BLTP3A: variants seen among roughly 807,000 people sequenced by gnomAD.
BLTP3A encodes the protein bridge-like lipid transfer protein family member 3A.
At chr6:34,861,049 G>A in the BLTP3A span, among the ~76,000 whole-genome samples, 6 of 152,116 alleles carry the variant, frequency 3.9e-5, no homozygotes, top group African/African-American at 1.4e-4. Context: ...TTTTTCCTTG[G>A]CTGCTCTCTT....
the BLTP3A span, among the ~76,000 whole-genome samples, chr6:34,804,452 A>C: frequency 6.6e-6 from 1 of 152,146 alleles, no homozygotes; most frequent in Non-Finnish European, 1.5e-5. Context: ...CCAGTAATGC[A>C]TTAAGAAGTA....
the BLTP3A span, chr6:34,821,862 C>G: frequency 6.2e-7 from 1 of 1,614,124 alleles, no homozygotes; most frequent in East Asian, 2.2e-5. Flanking sequence ...GCCAGTAGGC[C>G]TGCTTTCTGG....
At chr6:34,868,856 A>T in the BLTP3A span, among the ~76,000 whole-genome samples, 1 of 151,854 alleles carries the variant, frequency 6.6e-6, no homozygotes, top group Non-Finnish European at 1.5e-5. Context: ...GCACCACTGC[A>T]CTCCAGCCTG....
the BLTP3A span, chr6:34,821,597 T>A: frequency 6.7e-7 from 1 of 1,499,904 alleles, no homozygotes; most frequent in Non-Finnish European, 9.0e-7. Context: ...TTGGCTGTAA[T>A]ACCCAATTAG....
At chr6:34,856,892 G>GC in the BLTP3A span, 1 of 1,614,156 alleles carries the variant, frequency 6.2e-7, no homozygotes, top group Non-Finnish European at 8.5e-7. Flanking sequence ...CGCTCTAGCT[G>GC]CATGGTGGTA....
At chr6:34,862,106 C>T in the BLTP3A span, among the ~76,000 whole-genome samples, 4 of 152,072 alleles carry the variant, frequency 2.6e-5, no homozygotes, top group South Asian at 4.1e-4. Context: ...TGGCTGGGTG[C>T]GGTGGCTCAC....
the BLTP3A span, among the ~76,000 whole-genome samples, chr6:34,825,714 G>C: frequency 6.6e-6 from 1 of 152,190 alleles, no homozygotes; most frequent in Non-Finnish European, 1.5e-5. Context: ...TGGGCTATTA[G>C]GTTTCAACAT....
At chr6:34,810,923 G>A in the BLTP3A span, among the ~76,000 whole-genome samples, 1 of 152,256 alleles carries the variant, frequency 6.6e-6, no homozygotes, top group Middle Eastern at 3.4e-3. Context: ...GTAAATGATA[G>A]ACTAGTATCT....
chr6:34,801,311 G>C, the BLTP3A span, among the ~76,000 whole-genome samples: 1 of 152,116 alleles, frequency 6.6e-6, no homozygotes, highest in Non-Finnish European at 1.5e-5. Flanking sequence ...ACGTAATGTT[G>C]AATAGTTCCC....
chr6:34,837,344 C>T, the BLTP3A span, among the ~76,000 whole-genome samples: 5 of 152,038 alleles, frequency 3.3e-5, no homozygotes, highest in Non-Finnish European at 7.4e-5. Context: ...GAGTTTGAGA[C>T]CAGCCTGGGC....
chr6:34,812,218 C>G, the BLTP3A span, among the ~76,000 whole-genome samples: 1 of 151,610 alleles, frequency 6.6e-6, no homozygotes, highest in Non-Finnish European at 1.5e-5. Flanking sequence ...ATCCCAACTA[C>G]TCGGGAGGCT....
At chr6:34,852,722 GC>G in the BLTP3A span, among the ~76,000 whole-genome samples, 1 of 152,094 alleles carries the variant, frequency 6.6e-6, no homozygotes, top group African/African-American at 2.4e-5. Context: ...TCTGATCCCA[GC>G]ATAGCACCAG....
the BLTP3A span, among the ~76,000 whole-genome samples, chr6:34,816,164 A>G: frequency 6.6e-6 from 1 of 152,172 alleles, no homozygotes; most frequent in Non-Finnish European, 1.5e-5. Context: ...GATACTTAGC[A>G]CTTACTTAGT....
chr6:34,824,917 C>T, the BLTP3A span, among the ~76,000 whole-genome samples: 15 of 152,124 alleles, frequency 9.9e-5, no homozygotes, highest in African/African-American at 2.4e-4. Flanking sequence ...GTGATCCACC[C>T]GCCTCAGCCT....
At chr6:34,870,991 C>T in the BLTP3A span, 1 of 1,614,182 alleles carries the variant, frequency 6.2e-7, no homozygotes, top group Non-Finnish European at 8.5e-7. Context: ...TTTATTGCTT[C>T]ATGGCTGTGA....
chr6:34,841,882 C>T, the BLTP3A span, among the ~76,000 whole-genome samples: 1 of 152,276 alleles, frequency 6.6e-6, no homozygotes, highest in East Asian at 1.9e-4. Flanking sequence ...GAGAGTACCA[C>T]CTACTTTTTA....
chr6:34,826,345 T>C, the BLTP3A span, among the ~76,000 whole-genome samples: 5 of 151,558 alleles, frequency 3.3e-5, no homozygotes, highest in Non-Finnish European at 5.9e-5. Context: ...ATGTTACATG[T>C]TTTACATCCT....
the BLTP3A span, chr6:34,857,608 C>T: frequency 2.1e-6 from 3 of 1,450,944 alleles, no homozygotes; most frequent in African/African-American, 2.8e-5. Flanking sequence ...TTGTTAAACA[C>T]TCTGCCCTGT....
chr6:34,835,760 G>A, the BLTP3A span, among the ~76,000 whole-genome samples: 1 of 152,112 alleles, frequency 6.6e-6, no homozygotes, highest in East Asian at 1.9e-4. Flanking sequence ...ATTACAGTAT[G>A]GTGTGATAAA....
Sources: allele counts gnomAD v4.1 joint callset (sites outside exome capture counted in the v4.1 genomes callset), GRCh38; gene constraint gnomAD v4.1.1; transcripts MANE v1.5; gene names NCBI Gene and HGNC (gene_info 2026-07-23, HGNC 2026-07-21).